PARG: variants seen among roughly 807,000 people sequenced by gnomAD.
PARG encodes the protein poly(ADP-ribose) glycohydrolase, also known as mitochondrial poly(ADP-ribose) glycohydrolase.
A neutral mutation model predicts 113.0 loss-of-function variants in PARG; 35 were observed. The ratio of observed to expected loss-of-function variants is 0.31; its 90% CI spans 0.24 to 0.41. The LOEUF is 0.41. Among genes scored for constraint, PARG ranks in the 10% least tolerant of loss-of-function variants. PARG has a pLI of 1.00. For missense variants in PARG, 797 were observed against 1,169.4 expected (o/e 0.68, Z 4.64); for synonymous variants, 330 against 409.9 (o/e 0.81, Z 2.36).
chr10:49,922,435 A>G lies in PARG; in HGVS notation c.1579-16T>C, dbSNP rs781989875. 1 of 1,609,476 alleles carries G rather than the reference A, an allele frequency of 6.2e-7. No individual in the cohort carries two copies. Among genetic ancestry groups the G allele is most frequent in the South Asian group, 1.1e-5 (1 of 90,564 alleles). On this transcript the variant is annotated splice_polypyrimidine_tract_variant and intron_variant, in intron 5 of 17. Transcript: ENST00000616448. ...GCTCACCATTCTTTTGGAAAAAAGA[A>G]AAACATATGAGGAAGCTATTCTAAG...
At chr10:49,890,152 T>C (rs1375820063) in intron 7 of PARG, among the ~76,000 whole-genome samples, 3 of 152,184 alleles carry the variant, frequency 2.0e-5, no homozygotes, top group Non-Finnish European at 2.9e-5. Flanking sequence ...AGCATTTACA[T>C]GATGGTAAAA....
At chr10:49,842,324 T>A (rs1845283436) in intron 14 of PARG, among the ~76,000 whole-genome samples, 1 of 152,186 alleles carries the variant, frequency 6.6e-6, no homozygotes, top group African/African-American at 2.4e-5. Flanking sequence ...AGGTAAATCA[T>A]TTATAGTAAG....
At chr10:49,905,697 C>T (rs1393526946) in intron 7 of PARG, among the ~76,000 whole-genome samples, 5 of 151,974 alleles carry the variant, frequency 3.3e-5, no homozygotes, top group Admixed American at 2.0e-4. Context: ...TTAATATTTG[C>T]GTAATACAAC....
intron 11 of PARG, among the ~76,000 whole-genome samples, chr10:49,862,086 CGT>C (rs35142553): frequency 9.6e-4 from 137 of 142,744 alleles, no homozygotes; most frequent in Non-Finnish European, 1.4e-3. Flanking sequence ...GTTTCATAAC[CGT>C]GTGTGTGTGT....
intron 9 of PARG, 88 bp downstream of exon 9, chr10:49,879,585 T>C: frequency 1.2e-6 from 1 of 844,938 alleles, no homozygotes; most frequent in Non-Finnish European, 1.9e-6. Context: ...ATAAAATGCT[T>C]GGCCTATGGA....
intron 4 of PARG, among the ~76,000 whole-genome samples, chr10:49,931,880 TCAC>T (rs1838502500): frequency 6.6e-6 from 1 of 152,278 alleles, no homozygotes; most frequent in African/African-American, 2.4e-5. Flanking sequence ...AAAATTATCT[TCAC>T]CATCAGCTGA....
chr10:49,907,098 T>A (rs1247746277), intron 7 of PARG, among the ~76,000 whole-genome samples: 5 of 152,086 alleles, frequency 3.3e-5, no homozygotes. Flanking sequence ...TCAATACATA[T>A]CACTTTGGAG....
At chr10:49,895,313 G>A (rs1459066331) in intron 7 of PARG, among the ~76,000 whole-genome samples, 1 of 151,758 alleles carries the variant, frequency 6.6e-6, no homozygotes, top group Non-Finnish European at 1.5e-5. Context: ...AGGGTCCTTT[G>A]TGTTTCCATA....
intron 14 of PARG, among the ~76,000 whole-genome samples, chr10:49,843,344 T>A (rs544308520): frequency 1.3e-5 from 2 of 152,326 alleles, no homozygotes; most frequent in African/African-American, 4.8e-5. Flanking sequence ...GCTTTAGACT[T>A]TTGGTTTTAT....
intron 15 of PARG, among the ~76,000 whole-genome samples, chr10:49,833,748 A>T (rs1554830694): frequency 6.6e-6 from 1 of 152,206 alleles, no homozygotes; most frequent in African/African-American, 2.4e-5. Context: ...TGAAGTGATC[A>T]GACTGTAACA....
intron 16 of PARG, among the ~76,000 whole-genome samples, chr10:49,827,510 C>G (rs1554829572): frequency 6.6e-6 from 1 of 152,186 alleles, no homozygotes; most frequent in African/African-American, 2.4e-5. Context: ...CCTCATCCCT[C>G]TTTTCCGCTT....
At chr10:49,833,657 T>C (rs1844778394) in intron 15 of PARG, among the ~76,000 whole-genome samples, 2 of 152,218 alleles carry the variant, frequency 1.3e-5, no homozygotes, top group African/African-American at 4.8e-5. Context: ...GACCATTGTG[T>C]AAGATCCCAG....
intron 7 of PARG, among the ~76,000 whole-genome samples, chr10:49,897,893 A>G (rs775505632): frequency 6.6e-5 from 10 of 152,132 alleles, no homozygotes; most frequent in Admixed American, 2.6e-4. Flanking sequence ...TTGGGTGGCT[A>G]AGGCATGAGA....
intron 6 of PARG, among the ~76,000 whole-genome samples, chr10:49,917,173 T>C (rs1837524931): frequency 1.3e-5 from 2 of 152,148 alleles, no homozygotes; most frequent in African/African-American, 4.8e-5. Context: ...TCACAAGTCA[T>C]ACATAACATT....
chr10:49,935,871 C>T (rs1838716389), intron 1 of PARG, among the ~76,000 whole-genome samples: 1 of 151,936 alleles, frequency 6.6e-6, no homozygotes. Context: ...TCTTGAATGA[C>T]CCACAAAGAG....
intron 7 of PARG, among the ~76,000 whole-genome samples, chr10:49,915,574 G>A (rs1278911538): frequency 1.3e-5 from 2 of 152,052 alleles, no homozygotes; most frequent in Non-Finnish European, 2.9e-5. Flanking sequence ...CATATATAAT[G>A]ATGTTGCCAC....
chr10:49,886,660 T>C (rs1485867680), intron 7 of PARG, among the ~76,000 whole-genome samples: 1 of 152,178 alleles, frequency 6.6e-6, no homozygotes, highest in Admixed American at 6.5e-5. Context: ...ATAGTGTTTA[T>C]ACTATCCAAC....
chr10:49,888,467 T>C (rs1847606955), intron 7 of PARG, among the ~76,000 whole-genome samples: 1 of 152,196 alleles, frequency 6.6e-6, no homozygotes, highest in Non-Finnish European at 1.5e-5. Context: ...GGTTTCCTCT[T>C]CCTTTCTGAA....
intron 10 of PARG, among the ~76,000 whole-genome samples, chr10:49,866,787 T>C (rs1490150652): frequency 6.6e-6 from 1 of 152,204 alleles, no homozygotes; most frequent in Non-Finnish European, 1.5e-5. Context: ...ATTAATCAAA[T>C]ACTTCCCATC....
Sources: gnomAD v4.1 joint callset for allele counts (sites outside exome capture counted in the v4.1 genomes callset) on GRCh38, gnomAD v4.1.1 for gene constraint, MANE v1.5 for transcripts, NCBI Gene and HGNC (gene_info 2026-07-23, HGNC 2026-07-21) for gene names.